HMGCLL1: variants seen among roughly 807,000 people sequenced by gnomAD.
The protein encoded by HMGCLL1 is 3-hydroxy-3-methylglutaryl-CoA lyase like 1, also known as 3-hydroxymethyl-3-methylglutaryl-CoA lyase, cytoplasmic.
Under a neutral mutation model 39.1 loss-of-function variants are expected in HMGCLL1, and 36 were observed. The observed-to-expected ratio is 0.92, with a 90% CI of 0.71 to 1.22. HMGCLL1 has a LOEUF of 1.22. Among genes scored for constraint, HMGCLL1 ranks in the 50% most tolerant of loss-of-function variants. The pLI is 0.00. For synonymous variants in HMGCLL1, 149 were observed against 144.0 expected (o/e 1.03, Z -0.25); for missense variants, 451 against 416.5 (o/e 1.08, Z -0.72).
chr6:55,583,853 C>T (rs929450025), upstream of HMGCLL1, among the ~76,000 whole-genome samples: 10 of 152,076 alleles, frequency 6.6e-5, no homozygotes, highest in African/African-American at 1.7e-4. Flanking sequence ...AGTCTCATAA[C>T]GATATAATAA....
the HMGCLL1 span, among the ~76,000 whole-genome samples, chr6:55,664,679 CAAGGCTTAGCTG>C: frequency 6.6e-6 from 1 of 151,698 alleles, no homozygotes; most frequent in African/African-American, 2.4e-5. Context: ...GGAATCTGGA[CAAGGCTTAGCTG>C]AATGCCTTTG....
chr6:55,440,388 A>G (rs1405472376), intron 7 of HMGCLL1, among the ~76,000 whole-genome samples: 1 of 152,092 alleles, frequency 6.6e-6, no homozygotes, highest in East Asian at 1.9e-4. Flanking sequence ...CTCTGCTTTG[A>G]TTTATAGCCT....
chr6:55,553,159 C>CTATA (rs367984717), intron 1 of HMGCLL1, among the ~76,000 whole-genome samples: 3 of 134,128 alleles, frequency 2.2e-5, no homozygotes, highest in African/African-American at 8.4e-5. Context: ...CTCTCTCTCT[C>CTATA]TATATATATA....
At chr6:55,643,685 C>A in the HMGCLL1 span, among the ~76,000 whole-genome samples, 1 of 151,858 alleles carries the variant, frequency 6.6e-6, no homozygotes, top group Non-Finnish European at 1.5e-5. Context: ...TTTTAGATCC[C>A]CCAAATAAGT....
intron 1 of HMGCLL1, among the ~76,000 whole-genome samples, chr6:55,553,657 T>C (rs1188651727): frequency 2.0e-5 from 3 of 152,196 alleles, no homozygotes; most frequent in African/African-American, 7.2e-5. Flanking sequence ...ATTAGCACAT[T>C]GATGAGTTAA....
intron 7 of HMGCLL1, among the ~76,000 whole-genome samples, chr6:55,473,476 A>G (rs1765135505): frequency 6.6e-6 from 1 of 151,390 alleles, no homozygotes; most frequent in Non-Finnish European, 1.5e-5. Context: ...AAATAATACT[A>G]TACCATTTCA....
intron 7 of HMGCLL1, among the ~76,000 whole-genome samples, chr6:55,466,742 A>T (rs1418828704): frequency 6.6e-6 from 1 of 152,082 alleles, no homozygotes; most frequent in Admixed American, 6.6e-5. Flanking sequence ...ATTCACTGAA[A>T]GAGTCTAGGA....
At chr6:55,544,742 T>A (rs956279155) in intron 1 of HMGCLL1, among the ~76,000 whole-genome samples, 1 of 152,152 alleles carries the variant, frequency 6.6e-6, no homozygotes, top group African/African-American at 2.4e-5. Context: ...CCCATTACAA[T>A]GTTTACAGAC....
At chr6:55,599,550 C>A in the HMGCLL1 span, among the ~76,000 whole-genome samples, 2 of 152,112 alleles carry the variant, frequency 1.3e-5, no homozygotes, top group African/African-American at 4.8e-5. Context: ...TTTTCTGATT[C>A]CCAAACTGCA....
intron 3 of HMGCLL1, among the ~76,000 whole-genome samples, chr6:55,532,377 G>C (rs758966160): frequency 6.6e-5 from 10 of 152,116 alleles, no homozygotes; most frequent in Middle Eastern, 6.8e-3. Context: ...TTTTTCTTAG[G>C]ATACAGTAGT....
chr6:55,653,214 A>G, the HMGCLL1 span, among the ~76,000 whole-genome samples: 1 of 152,088 alleles, frequency 6.6e-6, no homozygotes, highest in Non-Finnish European at 1.5e-5. Context: ...GGCAAGAAAA[A>G]AATTCTTAGC....
At chr6:55,668,259 G>A in the HMGCLL1 span, among the ~76,000 whole-genome samples, 2 of 151,934 alleles carry the variant, frequency 1.3e-5, no homozygotes, top group Admixed American at 1.3e-4. Flanking sequence ...TGTAGCAGGT[G>A]TTCCCTGATC....
At chr6:55,565,129 A>G (rs1022921162) in intron 1 of HMGCLL1, among the ~76,000 whole-genome samples, 1 of 152,106 alleles carries the variant, frequency 6.6e-6, no homozygotes, top group African/African-American at 2.4e-5. Context: ...AGTTCCTACT[A>G]GTCAATAGAC....
intron 3 of HMGCLL1, among the ~76,000 whole-genome samples, chr6:55,540,598 C>T (rs933051131): frequency 1.3e-5 from 2 of 152,122 alleles, no homozygotes; most frequent in African/African-American, 4.8e-5. Flanking sequence ...AGAAATAGTT[C>T]TCCTGCTGTT....
the HMGCLL1 span, among the ~76,000 whole-genome samples, chr6:55,624,571 A>T: frequency 6.6e-6 from 1 of 152,186 alleles, no homozygotes; most frequent in African/African-American, 2.4e-5. Flanking sequence ...CTCCTGCAAG[A>T]TATCACATTG....
chr6:55,623,409 C>G, the HMGCLL1 span, among the ~76,000 whole-genome samples: 1 of 151,800 alleles, frequency 6.6e-6, no homozygotes, highest in African/African-American at 2.4e-5. Context: ...CTTGGTACCA[C>G]TTTTGCTGTA....
chr6:55,516,614 TA>T lies in HMGCLL1; in HGVS notation c.298-12del. The T allele has an allele frequency of 1.3e-6, 2 of 1,538,134 alleles. No homozygotes were observed. Among genetic ancestry groups the T allele is most frequent in the South Asian group, 1.2e-5 (1 of 84,542 alleles). ...AGTGTGATCAGCCATCTTAAATACA[TA>T]ATAGTTATATGTAAATGTGTAACTT... On this transcript the variant is annotated splice_polypyrimidine_tract_variant and intron_variant, in intron 3 of 8. Transcript: ENST00000274901.
At chr6:55,565,403 A>T (rs1309980222) in intron 1 of HMGCLL1, among the ~76,000 whole-genome samples, 1 of 152,076 alleles carries the variant, frequency 6.6e-6, no homozygotes, top group Non-Finnish European at 1.5e-5. Flanking sequence ...AATTTTCCAG[A>T]TTCCTATTAA....
intron 1 of HMGCLL1, among the ~76,000 whole-genome samples, chr6:55,561,783 A>T (rs2127470871): frequency 6.6e-6 from 1 of 152,298 alleles, no homozygotes; most frequent in African/African-American, 2.4e-5. Context: ...TAGTTTGAAG[A>T]GCATTTTCTA....
Sources: gnomAD v4.1 joint callset for allele counts (sites outside exome capture counted in the v4.1 genomes callset) on GRCh38, gnomAD v4.1.1 for gene constraint, MANE v1.5 for transcripts, NCBI Gene and HGNC (gene_info 2026-07-23, HGNC 2026-07-21) for gene names.